UBR2: variants seen among roughly 807,000 people sequenced by gnomAD.
UBR2 encodes the protein ubiquitin protein ligase E3 component n-recognin 2, also known as E3 ubiquitin-protein ligase UBR2.
UBR2 carries 92 observed loss-of-function variants against 247.9 expected under a neutral mutation model. The observed-to-expected ratio is 0.37, with a 90% CI of 0.31 to 0.44. The LOEUF is 0.44. Among genes scored for constraint, UBR2 ranks in the 20% least tolerant of loss-of-function variants. The probability of loss-of-function intolerance (pLI) is 1.00; values close to 1 mark genes in which losing one functional copy is unlikely to be tolerated. For synonymous variants in UBR2, 672 were observed against 693.5 expected, an observed-to-expected ratio of 0.97 and a Z score of 0.49; for missense variants, 1,613 against 2,112.6, an observed-to-expected ratio of 0.76 and a Z score of 4.64.
intron 39 of UBR2, 105 bp from the exon 40 acceptor site, chr6:42,676,678 T>C (rs1798737985): frequency 1.1e-6 from 1 of 886,164 alleles, no homozygotes; most frequent in Non-Finnish European, 1.8e-6. Context: ...GAATACTTCA[T>C]GTTATATGTG....
chr6:42,656,595 G>T (rs981734694), intron 26 of UBR2, among the ~76,000 whole-genome samples: 3 of 152,176 alleles, frequency 2.0e-5, no homozygotes, highest in Admixed American at 6.5e-5. Flanking sequence ...GTTTATAAAT[G>T]CTTTGATTGA....
intron 44 of UBR2, among the ~76,000 whole-genome samples, chr6:42,687,133 C>T (rs1265593586): frequency 1.3e-5 from 2 of 152,140 alleles, no homozygotes; most frequent in South Asian, 2.1e-4. Context: ...CCAAGGCAGG[C>T]GGCTGGGAGG....
intron 2 of UBR2, among the ~76,000 whole-genome samples, chr6:42,590,847 T>C (rs546924185): frequency 3.2e-4 from 48 of 152,330 alleles, no homozygotes; most frequent in Admixed American, 1.5e-3. Flanking sequence ...CTATCAAATA[T>C]CTAGAGAACT....
chr6:42,671,506 C>T (rs560357030), intron 36 of UBR2, among the ~76,000 whole-genome samples: 1 of 152,138 alleles, frequency 6.6e-6, no homozygotes, highest in Non-Finnish European at 1.5e-5. Flanking sequence ...CAGTTTGGCT[C>T]CACTTCTAAC....
At chr6:42,628,495 G>A (rs1403499030) in intron 11 of UBR2, among the ~76,000 whole-genome samples, 1 of 152,128 alleles carries the variant, frequency 6.6e-6, no homozygotes, top group Non-Finnish European at 1.5e-5. Flanking sequence ...GCAAAGGTGG[G>A]AGGATCACTT....
At chr6:42,588,723 C>A (rs1792456871) in intron 2 of UBR2, among the ~76,000 whole-genome samples, 1 of 152,134 alleles carries the variant, frequency 6.6e-6, no homozygotes, top group African/African-American at 2.4e-5. Flanking sequence ...TCTCCAACCC[C>A]ACCCCTCCCC....
At chr6:42,630,975 T>C (rs938807967) in intron 11 of UBR2, among the ~76,000 whole-genome samples, 3 of 151,996 alleles carry the variant, frequency 2.0e-5, no homozygotes, top group African/African-American at 7.3e-5. Context: ...CCCAGCTAAT[T>C]GTTTTATTTT....
At chr6:42,620,428 A>G (rs1409001088) in intron 11 of UBR2, 1 of 150,510 alleles carries the variant, frequency 6.6e-6, no homozygotes, top group Admixed American at 6.6e-5. Context: ...TGTTGGGTAT[A>G]TATACTACAA....
At chr6:42,649,787 A>T (rs1002964857) in intron 22 of UBR2, among the ~76,000 whole-genome samples, 1 of 94,256 alleles carries the variant, frequency 1.1e-5, no homozygotes, top group South Asian at 3.9e-4. Context: ...AATACATCAC[A>T]GTACTTTCTT....
chr6:42,632,324 T>C (rs1434906083), intron 11 of UBR2, among the ~76,000 whole-genome samples: 1 of 152,022 alleles, frequency 6.6e-6, no homozygotes, highest in African/African-American at 2.4e-5. Flanking sequence ...GGAACTGTCT[T>C]CTAACATTCT....
chr6:42,572,566 A>G (rs946425776), intron 1 of UBR2, among the ~76,000 whole-genome samples: 6 of 151,994 alleles, frequency 3.9e-5, no homozygotes, highest in African/African-American at 1.5e-4. Context: ...TAAGGAATAC[A>G]TGTGCAGGTT....
Position 42,617,496 on chromosome 6 carries a change from G to A in UBR2, c.1270G>A (p.Val424Ile), listed in dbSNP as rs1251328243. ...VADLSVQIFT[V>I]PSLARMLITE... ...AGACCTCTCGGTTCAGATATTCACG[G>A]TTCCTTCACTTGTAAGTACTGAAAG... The change falls in exon 11 of 47, where the codon GTT becomes ATT. Residue 424 changes from valine (V) to isoleucine (I), a missense_variant. Transcript: ENST00000372901. 9 of 1,551,312 alleles carry A rather than the reference G, an allele frequency of 5.8e-6. No individual in the cohort carries two copies. The highest frequency in any genetic ancestry group is 7.8e-6 in the Non-Finnish European group (9 of 1,147,082).
chr6:42,659,432 C>T lies in UBR2; in HGVS notation c.3243-224C>T, dbSNP rs897173656. On this transcript the variant is annotated intron_variant, in intron 29 of 46. Coordinates refer to ENST00000372901, the MANE Select transcript of UBR2 (RefSeq NM_001363705.2). This position sits in a 1 kb window ranked among gnomAD's most constrained non-coding sequence, Gnocchi z 4.3. Reference sequence around the variant, plus strand: ...AGGAGAATTGCTTGAACCTGCGAGGCGGAGGTTGCAGTGAGCCAAGATTGT... The same window carrying T: ...AGGAGAATTGCTTGAACCTGCGAGGTGGAGGTTGCAGTGAGCCAAGATTGT... Among the ~76,000 whole-genome samples the T allele has an allele frequency of 1.3e-5, 2 of 151,442 alleles. No individual in the cohort carries two copies. Among genetic ancestry groups the T allele is most frequent in the South Asian group, 2.1e-4 (1 of 4,782 alleles).
At chr6:42,680,533 C>T (rs1433665750) in intron 42 of UBR2, among the ~76,000 whole-genome samples, 1 of 152,152 alleles carries the variant, frequency 6.6e-6, no homozygotes, top group East Asian at 1.9e-4. Context: ...CCCACCTCAG[C>T]CTCCTGAGTA....
At chr6:42,686,753 C>T (rs900583724) in intron 44 of UBR2, among the ~76,000 whole-genome samples, 1 of 151,708 alleles carries the variant, frequency 6.6e-6, no homozygotes, top group East Asian at 2.0e-4. Flanking sequence ...AGGGGCTGCC[C>T]CCCACCTCCC....
intron 11 of UBR2, among the ~76,000 whole-genome samples, chr6:42,618,679 G>A (rs1794709433): frequency 6.6e-6 from 1 of 152,212 alleles, no homozygotes; most frequent in South Asian, 2.1e-4. Flanking sequence ...GAACAAATTG[G>A]ACGAGGATAA....
intron 11 of UBR2, among the ~76,000 whole-genome samples, chr6:42,627,006 GAGAA>G (rs1795389596): frequency 6.6e-6 from 1 of 152,160 alleles, no homozygotes; most frequent in Non-Finnish European, 1.5e-5. Flanking sequence ...AATTGCAATA[GAGAA>G]AGAGTTTAGT....
intron 44 of UBR2, 46 bp downstream of exon 44, chr6:42,684,917 C>G: frequency 1.3e-6 from 2 of 1,484,440 alleles, no homozygotes; most frequent in Admixed American, 1.8e-5. Context: ...ACTGGAAACA[C>G]CTCTCTACAA....
Position 42,670,237 on chromosome 6 carries a change from A to G in UBR2, c.4027A>G (p.Ile1343Val), listed in dbSNP as rs1798351687. The G allele has an allele frequency of 6.2e-7, 1 of 1,613,326 alleles. No individual in the cohort carries two copies. Among genetic ancestry groups the G allele is most frequent in the Non-Finnish European group, 8.5e-7 (1 of 1,179,354 alleles). Reference sequence around the variant, plus strand: ...TAGCTGCGCGTACACCATCCAAAGCATAGGTAAGAGATTTACAGCTGTTTC... The same window carrying G: ...TAGCTGCGCGTACACCATCCAAAGCGTAGGTAAGAGATTTACAGCTGTTTC... ...WGSCAYTIQS[I>V]ERILSDEDKP... Residue 1343 changes from isoleucine (I) to valine (V), a missense_variant, in exon 35 of 47, where the codon ATA (isoleucine) becomes GTA (valine). Ile to Val is a conservative substitution (Grantham distance 29, BLOSUM62 3). Coordinates refer to ENST00000372901, the MANE Select transcript of UBR2 (RefSeq NM_001363705.2).
Sources: gnomAD v4.1 joint callset for allele counts (sites outside exome capture counted in the v4.1 genomes callset) on GRCh38, gnomAD v4.1.1 for gene constraint, Gnocchi (gnomAD v3.1) non-coding constraint, MANE v1.5 for transcripts, NCBI Gene and HGNC (gene_info 2026-07-23, HGNC 2026-07-21) for gene names.